L3HYPDH: variants seen among roughly 807,000 people sequenced by gnomAD.
L3HYPDH encodes the protein trans-L-3-hydroxyproline dehydratase.
L3HYPDH carries 32 observed loss-of-function variants against 26.5 expected under a neutral mutation model. The ratio of observed to expected loss-of-function variants is 1.21; its 90% CI spans 0.91 to 1.62. The LOEUF is 1.62. L3HYPDH is among the 40% of genes most tolerant of loss of function. The probability of loss-of-function intolerance (pLI) is 0.00; values close to 1 mark genes in which losing one functional copy is unlikely to be tolerated. For synonymous variants in L3HYPDH, 215 were observed against 196.6 expected (o/e 1.09, Z -0.78); for missense variants, 554 against 476.4 (o/e 1.16, Z -1.52).
At chr14:59,494,832 G>A in the L3HYPDH span, among the ~76,000 whole-genome samples, 2 of 152,074 alleles carry the variant, frequency 1.3e-5, no homozygotes, top group Non-Finnish European at 2.9e-5. Flanking sequence ...CTGCTTTTCT[G>A]TTACACATTT....
the L3HYPDH span, chr14:59,504,325 C>G: frequency 2.2e-6 from 1 of 444,720 alleles, no homozygotes; most frequent in Non-Finnish European, 4.0e-6. Context: ...CCTTGCTTCT[C>G]TCAACAGTTC....
downstream of L3HYPDH, among the ~76,000 whole-genome samples, chr14:59,470,655 AG>A (rs1889286277): frequency 6.6e-6 from 1 of 152,160 alleles, no homozygotes. Flanking sequence ...ACCTGCAGGG[AG>A]CAAGCAGCGG....
the L3HYPDH span, among the ~76,000 whole-genome samples, chr14:59,493,049 C>T: frequency 5.9e-5 from 9 of 152,152 alleles, no homozygotes; most frequent in South Asian, 4.1e-4. Flanking sequence ...CCACCCGCCC[C>T]GGCCTCCCAA....
chr14:59,468,757 A>G (rs1374741546), downstream of L3HYPDH, among the ~76,000 whole-genome samples: 1 of 152,210 alleles, frequency 6.6e-6, no homozygotes, highest in East Asian at 1.9e-4. Context: ...ATACAAAAAA[A>G]TATTTTTTGA....
upstream of L3HYPDH, among the ~76,000 whole-genome samples, chr14:59,488,235 A>T (rs1370026310): frequency 6.6e-6 from 1 of 152,080 alleles, no homozygotes; most frequent in Non-Finnish European, 1.5e-5. Context: ...ATATTAACAT[A>T]TTAAATCAGC....
upstream of L3HYPDH, chr14:59,484,552 T>C (rs1225538540): frequency 3.2e-6 from 5 of 1,566,238 alleles, no homozygotes; most frequent in Non-Finnish European, 4.3e-6. Context: ...CCAGATCCGC[T>C]GATCTAGTGC....
chr14:59,469,659 A>G (rs1889267168), downstream of L3HYPDH, among the ~76,000 whole-genome samples: 1 of 152,000 alleles, frequency 6.6e-6, no homozygotes, highest in Non-Finnish European at 1.5e-5. Flanking sequence ...CAGGAGCATC[A>G]ACAAAGAGGA....
chr14:59,486,222 G>C (rs1306638171), upstream of L3HYPDH, among the ~76,000 whole-genome samples: 1 of 152,174 alleles, frequency 6.6e-6, no homozygotes, highest in East Asian at 1.9e-4. Flanking sequence ...GCATACCTCT[G>C]TTATGAAATT....
At chr14:59,502,043 T>A in the L3HYPDH span, among the ~76,000 whole-genome samples, 2 of 152,160 alleles carry the variant, frequency 1.3e-5, no homozygotes, top group Admixed American at 6.5e-5. Context: ...AAATGAGAAG[T>A]AGTAGTGTAT....
intron 2 of L3HYPDH, among the ~76,000 whole-genome samples, chr14:59,477,232 C>T (rs552755042): frequency 1.1e-4 from 16 of 152,284 alleles, no homozygotes; most frequent in South Asian, 1.0e-3. Context: ...GTTCTTTCTT[C>T]GAGTCTCCAG....
the L3HYPDH span, among the ~76,000 whole-genome samples, chr14:59,491,161 G>T: frequency 5.1e-4 from 77 of 152,324 alleles, no homozygotes; most frequent in Middle Eastern, 3.4e-3. Flanking sequence ...GATAACCCCT[G>T]AGCTGATCTG....
the L3HYPDH span, among the ~76,000 whole-genome samples, chr14:59,494,121 G>GGTGTGTGTGT: frequency 4.0e-3 from 600 of 151,060 alleles, no homozygotes; most frequent in Non-Finnish European, 5.6e-3. Flanking sequence ...AGAAAATTTG[G>GGTGTGTGTGT]GTGTGTGTGT....
At chr14:59,468,924 T>C (rs1889252592), downstream of L3HYPDH, among the ~76,000 whole-genome samples, 1 of 152,138 alleles carries the variant, frequency 6.6e-6, no homozygotes, top group African/African-American at 2.4e-5. Context: ...TAGGATTCTC[T>C]GGGCGTAAGT....
the L3HYPDH span, among the ~76,000 whole-genome samples, chr14:59,492,820 A>C: frequency 7.2e-6 from 1 of 138,898 alleles, no homozygotes; most frequent in Non-Finnish European, 1.5e-5. Flanking sequence ...TTTTTTTGAG[A>C]CGAGTCTTGC....
chr14:59,474,346 G>C (rs754455253), intron 4 of L3HYPDH: 6 of 559,938 alleles, frequency 1.1e-5, no homozygotes, highest in Admixed American at 3.4e-5. Flanking sequence ...AAGCAGCTTA[G>C]AGTCAGGAGG....
At chr14:59,489,797 T>C in the L3HYPDH span, among the ~76,000 whole-genome samples, 4 of 152,050 alleles carry the variant, frequency 2.6e-5, no homozygotes, top group Admixed American at 2.6e-4. Flanking sequence ...AAGCTTACAA[T>C]CATGGCAGAA....
In L3HYPDH at chr14:59,476,183, A is replaced by C. The variant is rs1889615699; in HGVS notation, c.710T>G (p.Leu237Arg). Residue 237 changes from leucine to arginine, a missense_variant, in exon 3 of 5, where the codon CTT becomes CGT. Transcript: ENST00000247194. Reference sequence around the variant, plus strand: ...TAATATAGTTCCATATAAAAAGGCAAGGTCTTCACTATCAGGATGATTAAT... The same window carrying C: ...TAATATAGTTCCATATAAAAAGGCACGGTCTTCACTATCAGGATGATTAAT... ...FKINHPDSEDLAFLYGTILTD... is the reference protein window; with the variant it reads ...FKINHPDSEDRAFLYGTILTD... 1 of 1,608,460 alleles carries C rather than the reference A, an allele frequency of 6.2e-7. No homozygotes were observed. Among genetic ancestry groups the C allele is most frequent in the Admixed American group, 1.7e-5 (1 of 59,896 alleles).
rs748428401 is a variant in L3HYPDH, at chr14:59,484,279, T to C, written c.38A>G (p.His13Arg). Residue 13 changes from histidine to arginine, a missense_variant, in exon 1 of 5, where the codon CAT becomes CGT. Transcript: ENST00000247194. Reference protein sequence around the residue: ...SALAVPRLPPHDPGTPVLSVV... With the variant: ...SALAVPRLPPRDPGTPVLSVV... ...CGACAGCACCGGCGTCCCTGGATCA[T>C]GCGGGGGCAGCCGGGGCACCGCCAG... 6.3e-7 allele frequency: 1 copy of C among 1,595,174 alleles called. No individual in the cohort carries two copies. The highest frequency in any genetic ancestry group is 8.5e-7 in the Non-Finnish European group (1 of 1,178,176).
intron 1 of L3HYPDH, among the ~76,000 whole-genome samples, chr14:59,466,575 C>T (rs946677394): frequency 2.6e-5 from 4 of 152,152 alleles, no homozygotes; most frequent in Admixed American, 6.5e-5. Flanking sequence ...AACAAGCCCT[C>T]CCAGTGATTC....
Sources: allele counts gnomAD v4.1 joint callset (sites outside exome capture counted in the v4.1 genomes callset), GRCh38; gene constraint gnomAD v4.1.1; transcripts MANE v1.5; gene names NCBI Gene and HGNC (gene_info 2026-07-23, HGNC 2026-07-21).